Variants in PARP15 observed in about 807,000 individuals in gnomAD.
PARP15 encodes protein mono-ADP-ribosyltransferase PARP15.
PARP15 carries 50 observed loss-of-function variants against 62.1 expected under a neutral mutation model. That is an observed-to-expected ratio of 0.81 (90% CI 0.64 to 1.02). PARP15 has a LOEUF of 1.02. Among genes scored for constraint, PARP15 ranks in the 50% least tolerant of loss-of-function variants. The pLI is 0.00. For missense variants in PARP15, 820 were observed against 826.5 expected (o/e 0.99, Z 0.10); for synonymous variants, 309 against 293.1 (o/e 1.05, Z -0.55).
rs1184129974 is a variant in PARP15, at chr3:122,605,918, T to C, written c.187-18T>C. The C allele has an allele frequency of 3.9e-6, 6 of 1,550,018 alleles. No homozygotes were observed. Among genetic ancestry groups the C allele is most frequent in the Non-Finnish European group, 4.4e-6 (5 of 1,146,098 alleles). ...TGAAATTGGCATTGCTGGTAATGCT[T>C]TACTGTTTTCTCCACAGTCCAGAGA... On this transcript the variant is annotated intron_variant, in intron 1 of 11. Transcript: ENST00000464300.
intron 4 of PARP15, among the ~76,000 whole-genome samples, chr3:122,614,136 C>G (rs1027676455): frequency 2.0e-5 from 3 of 152,098 alleles, no homozygotes; most frequent in African/African-American, 7.2e-5. Context: ...CTGTGCCCAG[C>G]CTGAATCTCA....
chr3:122,594,921 G>T, intron 1 of PARP15: 2 of 932,124 alleles, frequency 2.1e-6, no homozygotes, highest in Non-Finnish European at 2.6e-6. Flanking sequence ...AAGAGAAAGA[G>T]TAACCAATGT....
intron 1 of PARP15, among the ~76,000 whole-genome samples, chr3:122,582,809 T>C (rs376921857): frequency 4.7e-4 from 72 of 152,312 alleles, no homozygotes; most frequent in African/African-American, 1.7e-3. Context: ...CATAGCTTAC[T>C]AATAATTTAT....
chr3:122,617,033 C>G lies in PARP15; in HGVS notation c.869C>G (p.Ser290Cys), dbSNP rs367702270. The change falls in exon 6 of 12, where the codon TCT (serine) becomes TGT (cysteine). Residue 290 changes from serine (S) to cysteine (C), a missense_variant. By Grantham distance (112) the Ser-to-Cys change is moderately radical. This residue lies in a region of PARP15 where 731 missense variants were observed against 727.7 expected (regional missense o/e 1.00). Coordinates refer to ENST00000464300, the MANE Select transcript of PARP15 (RefSeq NM_001113523.3). ...TTTTCAGGTGTGGTCGGGACTGTCT[C>G]TAAGCCTTGTTTCACAGCATATGAA... ...GDTQGVVGTV[S>C]KPCFTAYEMK... The G allele has an allele frequency of 3.7e-6, 6 of 1,613,994 alleles. No homozygotes were observed. The highest frequency in any genetic ancestry group is 1.3e-5 in the African/African-American group (1 of 74,900).
intron 1 of PARP15, among the ~76,000 whole-genome samples, chr3:122,590,228 C>G (rs1255099535): frequency 6.6e-6 from 1 of 151,670 alleles, no homozygotes; most frequent in Non-Finnish European, 1.5e-5. Context: ...TATACTTACC[C>G]TCTTTTCTTT....
At chr3:122,584,244 A>C (rs979371112) in intron 1 of PARP15, among the ~76,000 whole-genome samples, 3 of 152,196 alleles carry the variant, frequency 2.0e-5, no homozygotes, top group Admixed American at 2.0e-4. Flanking sequence ...TGATGTTTGC[A>C]TGCTCATTTT....
At chr3:122,625,961 C>T (rs1936696634) in intron 8 of PARP15, among the ~76,000 whole-genome samples, 1 of 152,164 alleles carries the variant, frequency 6.6e-6, no homozygotes, top group African/African-American at 2.4e-5. Flanking sequence ...TAAAGATCAC[C>T]AGGAACACAC....
At chr3:122,627,277 G>A (rs1478944267) in intron 9 of PARP15, among the ~76,000 whole-genome samples, 1 of 152,224 alleles carries the variant, frequency 6.6e-6, no homozygotes, top group Non-Finnish European at 1.5e-5. Context: ...GAAGAGAATG[G>A]AAGTGAGGAA....
chr3:122,577,895 G>T (rs1424300987), intron 1 of PARP15, 42 bp downstream of exon 1: 1 of 1,489,386 alleles, frequency 6.7e-7, no homozygotes, highest in Admixed American at 2.3e-5. Flanking sequence ...GGACAGCAGG[G>T]CTGAGCCTGG....
In PARP15 at chr3:122,588,687, T is replaced by G. The variant is rs76863636; in HGVS notation, c.186+10834T>G. Among the ~76,000 whole-genome samples the G allele has an allele frequency of 6.3e-3, 954 of 152,016 alleles. 10 individuals are homozygous for G. The highest frequency in any genetic ancestry group is 0.022 in the African/African-American group (917 of 41,444). ...ATAAAAATAAATAAAACAAAGAAAT[T>G]TTCATCACCGCAAGAGAAACTCCAT... On this transcript the variant is annotated intron_variant, in intron 1 of 11. Coordinates refer to ENST00000464300, the MANE Select transcript of PARP15 (RefSeq NM_001113523.3).
chr3:122,625,255 T>A (rs1205663537), intron 8 of PARP15, among the ~76,000 whole-genome samples: 2 of 152,008 alleles, frequency 1.3e-5, no homozygotes, highest in Admixed American at 1.3e-4. Flanking sequence ...TTGTTTGTTT[T>A]TTTGTTGTTG....
intron 7 of PARP15, among the ~76,000 whole-genome samples, chr3:122,620,750 C>T (rs867369947): frequency 3.3e-5 from 5 of 152,000 alleles, no homozygotes; most frequent in South Asian, 2.1e-4. Context: ...GAGGGACACC[C>T]GAGGGGCCCT....
chr3:122,624,071 A>G (rs1314109081), intron 8 of PARP15, among the ~76,000 whole-genome samples: 1 of 152,042 alleles, frequency 6.6e-6, no homozygotes, highest in Admixed American at 6.5e-5. Flanking sequence ...GAATCACTTG[A>G]ATTCGGGAGG....
At chr3:122,599,701 A>G (rs35154120) in intron 1 of PARP15, among the ~76,000 whole-genome samples, 12,814 of 152,256 alleles carry the variant, frequency 0.084, 548 homozygotes, top group Non-Finnish European at 0.1. Context: ...AGCCTCCAGC[A>G]TAGCTGGGAT....
chr3:122,635,110 A>AAT lies in PARP15; in HGVS notation c.1663_1664insAT (p.Arg555AsnfsTer79), dbSNP rs745968796. Reference sequence around the variant, plus strand: ...CAAGAATGACCATAAGAATAATGAGAGACTCCTCTTCCATGGGACAGATGC... The same window carrying AAT: ...CAAGAATGACCATAAGAATAATGAGAATGACTCCTCTTCCATGGGACAGATGC... On this transcript the variant is annotated frameshift_variant, in exon 11 of 12. Coordinates refer to ENST00000464300, the MANE Select transcript of PARP15 (RefSeq NM_001113523.3). LOFTEE classifies it high-confidence loss of function. 3.7e-6 allele frequency: 6 copies of AAT among 1,614,096 alleles called. No homozygotes were observed. The highest frequency in any genetic ancestry group is 5.1e-6 in the Non-Finnish European group (6 of 1,179,950).
intron 11 of PARP15, 22 bp from the exon 12 acceptor site, chr3:122,635,789 G>GT: frequency 6.3e-7 from 1 of 1,597,882 alleles, no homozygotes; most frequent in South Asian, 1.1e-5. Context: ...TCTTAGGAAG[G>GT]TTTTTGTCTT....
At position 122,601,036 on chromosome 3, in the gene PARP15, G is replaced by GTTTTTTTTTTTTTTTTTTTTTTTTTTTT. The variant is rs771581231; in HGVS notation, c.187-4877_187-4876insTTTTTTTTTTTTTTTTTTTTTTTTTTTT. On this transcript the variant is annotated intron_variant, in intron 1 of 11. Coordinates refer to ENST00000464300, the MANE Select transcript of PARP15 (RefSeq NM_001113523.3). ...CATTGGTTTTTGTTTGTCTTTTATG[G>GTTTTTTTTTTTTTTTTTTTTTTTTTTTT]TTTTTTTTTTTTTTTTTTTTTTTGA... Among the ~76,000 whole-genome samples, 15 of 73,028 alleles carry GTTTTTTTTTTTTTTTTTTTTTTTTTTTT rather than the reference G, an allele frequency of 2.1e-4. 3 individuals carry two copies. Among genetic ancestry groups the GTTTTTTTTTTTTTTTTTTTTTTTTTTTT allele is most frequent in the African/African-American group, 6.6e-4 (8 of 12,160 alleles). 47.9% of individuals were successfully genotyped at this position (73,028 alleles called of 152,430 possible). A position where few individuals can be genotyped will look rare whatever the true frequency, so the allele number is the denominator to read the frequency against.
intron 1 of PARP15, among the ~76,000 whole-genome samples, chr3:122,587,378 C>T (rs1164837286): frequency 2.0e-5 from 3 of 152,218 alleles, no homozygotes; most frequent in Admixed American, 2.0e-4. Flanking sequence ...GCAAGACTGT[C>T]TTCAAAGTAG....
chr3:122,616,897 G>GT, intron 5 of PARP15, 118 bp from the exon 6 acceptor site: 2 of 1,199,484 alleles, frequency 1.7e-6, no homozygotes, highest in Non-Finnish European at 2.3e-6. Flanking sequence ...CAATATTTCG[G>GT]TTTATGTTGG....
Sources: allele counts gnomAD v4.1 joint callset (sites outside exome capture counted in the v4.1 genomes callset), GRCh38; gene constraint gnomAD v4.1.1; regional missense constraint gnomAD v4.1.1; transcripts MANE v1.5; gene names NCBI Gene and HGNC (gene_info 2026-07-23, HGNC 2026-07-21).